TMEM131L: variants seen among roughly 807,000 people sequenced by gnomAD.
TMEM131L encodes transmembrane protein 131-like.
Under a neutral mutation model 192.2 loss-of-function variants are expected in TMEM131L, and 54 were observed. The observed-to-expected ratio is 0.28, with a 90% CI of 0.23 to 0.35. The LOEUF is 0.35. TMEM131L is among the 10% of genes least tolerant of loss of function. The pLI, the probability that TMEM131L is intolerant of heterozygous loss-of-function variation, is 1.00. For missense variants in TMEM131L, 1,888 were observed against 1,972.9 expected (o/e 0.96, Z 0.82); for synonymous variants, 701 against 704.9 (o/e 0.99, Z 0.09).
intron 7 of TMEM131L, among the ~76,000 whole-genome samples, chr4:153,572,423 C>T (rs562781167): frequency 3.9e-5 from 6 of 152,240 alleles, no homozygotes; most frequent in South Asian, 4.1e-4. Context: ...CTCTGCCTCC[C>T]GGGTTCAAGT....
intron 25 of TMEM131L, among the ~76,000 whole-genome samples, chr4:153,608,066 A>G (rs1379631823): frequency 1.3e-5 from 2 of 152,102 alleles, no homozygotes; most frequent in African/African-American, 2.4e-5. Context: ...GGCTGCAGTG[A>G]GCTGTGATTG....
intron 3 of TMEM131L, among the ~76,000 whole-genome samples, chr4:153,516,861 C>T (rs904169809): frequency 2.6e-5 from 4 of 151,872 alleles, no homozygotes; most frequent in Admixed American, 6.6e-5. Flanking sequence ...AGTCTTGCTC[C>T]GTCACTTAGG....
chr4:153,582,999 G>A (rs370983462), intron 9 of TMEM131L, among the ~76,000 whole-genome samples, 191 bp from the exon 10 acceptor site: 94 of 149,084 alleles, frequency 6.3e-4, no homozygotes, highest in African/African-American at 2.3e-3. Flanking sequence ...CTTTTTTCTT[G>A]TGATTAAAAA....
chr4:153,605,766 G>A (rs934227814), intron 25 of TMEM131L, among the ~76,000 whole-genome samples: 3 of 152,168 alleles, frequency 2.0e-5, no homozygotes, highest in Admixed American at 6.5e-5. Context: ...TGGAGAAGAG[G>A]TACAGAAATA....
intron 28 of TMEM131L, among the ~76,000 whole-genome samples, 154 bp downstream of exon 28, chr4:153,622,003 G>C (rs770964419): frequency 3.0e-4 from 46 of 152,310 alleles, no homozygotes; most frequent in Admixed American, 5.2e-4. Flanking sequence ...TTCAGGGTGA[G>C]ACCAGAAAAC....
At chr4:153,561,270 G>A (rs760721566) in intron 7 of TMEM131L, among the ~76,000 whole-genome samples, 3 of 152,084 alleles carry the variant, frequency 2.0e-5, no homozygotes, top group Non-Finnish European at 4.4e-5. Flanking sequence ...ATTAAATTCT[G>A]GACATTGGAC....
rs545749001 is a variant in TMEM131L at position 153,610,259 on chromosome 4, G to C, written c.3419-1993G>C. Reference sequence around the variant, plus strand: ...AATAGCATTAGTAGCCTTTGATTCAGATCTTCACTAATTCTAAGTTATTCC... The same window carrying C: ...AATAGCATTAGTAGCCTTTGATTCACATCTTCACTAATTCTAAGTTATTCC... On this transcript the variant is annotated intron_variant, in intron 25 of 34. Coordinates refer to ENST00000409959, the MANE Select transcript of TMEM131L (RefSeq NM_001131007.2). Among the ~76,000 whole-genome samples the C allele has an allele frequency of 1.6e-4, 25 of 152,320 alleles. No homozygotes were observed. The Middle Eastern group carries it at 0.017, about 104-fold the overall frequency.
chr4:153,535,512 G>A (rs1158999452), intron 3 of TMEM131L, among the ~76,000 whole-genome samples: 7 of 152,150 alleles, frequency 4.6e-5, no homozygotes, highest in African/African-American at 1.7e-4. Flanking sequence ...GGTGGTAGAG[G>A]AGACTGAGAG....
At chr4:153,476,605 G>A (rs1731557186) in intron 3 of TMEM131L, among the ~76,000 whole-genome samples, 1 of 152,096 alleles carries the variant, frequency 6.6e-6, no homozygotes, top group African/African-American at 2.4e-5. Flanking sequence ...GCTGAGGCAG[G>A]AGAATGGCAT....
intron 7 of TMEM131L, among the ~76,000 whole-genome samples, chr4:153,576,128 T>C (rs1206186761): frequency 2.6e-5 from 4 of 151,986 alleles, no homozygotes; most frequent in Non-Finnish European, 5.9e-5. Context: ...CCCGGCTGAT[T>C]TTTTGTATTT....
chr4:153,621,915 C>A, intron 28 of TMEM131L, 66 bp downstream of exon 28: 2 of 1,468,942 alleles, frequency 1.4e-6, no homozygotes, highest in South Asian at 1.2e-5. Context: ...AATGAAGTAT[C>A]TAATAAGAGA....
intron 19 of TMEM131L, among the ~76,000 whole-genome samples, chr4:153,595,356 A>G (rs1226356069): frequency 6.6e-6 from 1 of 152,210 alleles, no homozygotes; most frequent in Non-Finnish European, 1.5e-5. Context: ...TATAAGTTTA[A>G]CACCAAAAGT....
intron 3 of TMEM131L, among the ~76,000 whole-genome samples, chr4:153,516,096 T>C (rs1376218927): frequency 6.6e-6 from 1 of 152,162 alleles, no homozygotes; most frequent in Non-Finnish European, 1.5e-5. Flanking sequence ...GTACTATAAA[T>C]GGTATGTTAT....
chr4:153,478,122 A>G (rs949875810), intron 3 of TMEM131L, among the ~76,000 whole-genome samples: 1 of 151,780 alleles, frequency 6.6e-6, no homozygotes, highest in East Asian at 1.9e-4. Context: ...TGACTTGCAA[A>G]CCTCTTTGTT....
chr4:153,622,760 C>T, intron 28 of TMEM131L, 138 bp from the exon 29 acceptor site: 4 of 793,120 alleles, frequency 5.0e-6, no homozygotes, highest in Non-Finnish European at 6.4e-6. Context: ...TCCATGAACT[C>T]CTCCTTTCTT....
intron 31 of TMEM131L, among the ~76,000 whole-genome samples, chr4:153,630,740 C>T (rs139111326): frequency 6.6e-6 from 1 of 152,288 alleles, no homozygotes; most frequent in African/African-American, 2.4e-5. Context: ...CTACTGTGTG[C>T]CCGTTGTGTG....
rs1006319734 is a variant in TMEM131L at position 153,509,887 on chromosome 4, C to T, written c.239+35999C>T. ...TGGACAGAGTTGGAAATCGCTGCGT[C>T]GGGATTGCTTTTGTAGTAGGATGGC... On this transcript the variant is annotated intron_variant, in intron 3 of 34. Coordinates refer to ENST00000409959, the MANE Select transcript of TMEM131L (RefSeq NM_001131007.2). Among the ~76,000 whole-genome samples the T allele has an allele frequency of 3.9e-5, 6 of 152,240 alleles. No homozygotes were observed. In the South Asian group the frequency reaches 1.2e-3, roughly 32 times the overall value.
chr4:153,490,780 C>A (rs1342909152), intron 3 of TMEM131L, among the ~76,000 whole-genome samples: 1 of 151,688 alleles, frequency 6.6e-6, no homozygotes, highest in South Asian at 2.1e-4. Flanking sequence ...ATGGTGAAAC[C>A]CCATCTCTAC....
chr4:153,473,507 G>T (rs1731301108), intron 2 of TMEM131L, among the ~76,000 whole-genome samples: 1 of 152,032 alleles, frequency 6.6e-6, no homozygotes, highest in African/African-American at 2.4e-5. Context: ...GATTTGCCCA[G>T]GGGTGGCCGG....
Sources: allele counts gnomAD v4.1 joint callset (sites outside exome capture counted in the v4.1 genomes callset), GRCh38; gene constraint gnomAD v4.1.1; transcripts MANE v1.5; gene names NCBI Gene and HGNC (gene_info 2026-07-23, HGNC 2026-07-21).